ZMYM2: variants seen among roughly 807,000 people sequenced by gnomAD.
ZMYM2 encodes the protein zinc finger MYM-type containing 2, also known as zinc finger MYM-type protein 2.
Under a neutral mutation model 162.8 loss-of-function variants are expected in ZMYM2, and 56 were observed. That is an observed-to-expected ratio of 0.34 (90% CI 0.28 to 0.43). ZMYM2 has a LOEUF of 0.43. ZMYM2 is among the 20% of genes least tolerant of loss of function. ZMYM2 has a pLI of 1.00. For missense variants in ZMYM2, 1,275 were observed against 1,621.8 expected, an observed-to-expected ratio of 0.79 and a Z score of 3.67; for synonymous variants, 510 against 541.6, an observed-to-expected ratio of 0.94 and a Z score of 0.81.
At chr13:20,058,860 A>G (rs1956013322) in intron 15 of ZMYM2, 156 bp downstream of exon 15, 1 of 909,370 alleles carries the variant, frequency 1.1e-6, no homozygotes, top group Non-Finnish European at 1.8e-6. Flanking sequence ...TATTACCTGG[A>G]GAATACAGCA....
chr13:19,910,111 C>A, the ZMYM2 span, among the ~76,000 whole-genome samples: 1 of 151,518 alleles, frequency 6.6e-6, no homozygotes, highest in African/African-American at 2.4e-5. Flanking sequence ...CCTGTAGTCC[C>A]AGCTACTCGG....
intron 21 of ZMYM2, 137 bp downstream of exon 21, chr13:20,067,527 A>T (rs1177899351): frequency 1.1e-6 from 1 of 899,172 alleles, no homozygotes; most frequent in African/African-American, 1.7e-5. Flanking sequence ...GCTGCCATTT[A>T]TATATAAATG....
chr13:20,047,592 C>T (rs1016923534), intron 12 of ZMYM2, among the ~76,000 whole-genome samples: 2 of 152,152 alleles, frequency 1.3e-5, no homozygotes, highest in Admixed American at 6.5e-5. Flanking sequence ...TTTTTACCTT[C>T]TCTTACCTTT....
At chr13:19,928,796 C>CAA in the ZMYM2 span, among the ~76,000 whole-genome samples, 2 of 112,126 alleles carry the variant, frequency 1.8e-5, no homozygotes, top group Non-Finnish European at 4.0e-5. Flanking sequence ...GACTCTGTCT[C>CAA]AAAAAAAAAA....
At chr13:19,922,232 G>C in the ZMYM2 span, among the ~76,000 whole-genome samples, 2 of 152,142 alleles carry the variant, frequency 1.3e-5, no homozygotes, top group Non-Finnish European at 2.9e-5. Flanking sequence ...GATTTTTAAA[G>C]GGGGAAAAAG....
chr13:20,066,423 C>T (rs527585789), intron 19 of ZMYM2, among the ~76,000 whole-genome samples: 3 of 152,272 alleles, frequency 2.0e-5, no homozygotes, highest in Admixed American at 6.5e-5. Flanking sequence ...CTACTAGTAG[C>T]CTACTGTTGA....
chr13:19,948,599 T>C, the ZMYM2 span, among the ~76,000 whole-genome samples: 1 of 152,170 alleles, frequency 6.6e-6, no homozygotes, highest in Non-Finnish European at 1.5e-5. Flanking sequence ...CTACGGGTTA[T>C]AGGGCAGGGA....
the ZMYM2 span, among the ~76,000 whole-genome samples, chr13:19,937,624 A>AT: frequency 0.32 from 47,612 of 146,926 alleles, 7,886 homozygotes; most frequent in East Asian, 0.39. Flanking sequence ...TTTTTAAATT[A>AT]TTTTTTTTAT....
chr13:19,879,702 A>G, the ZMYM2 span, among the ~76,000 whole-genome samples: 1 of 152,164 alleles, frequency 6.6e-6, no homozygotes, highest in East Asian at 1.9e-4. Flanking sequence ...ATTTTGAGAG[A>G]CATTGCATAA....
At chr13:19,884,771 C>A in the ZMYM2 span, among the ~76,000 whole-genome samples, 42 of 152,136 alleles carry the variant, frequency 2.8e-4, no homozygotes, top group African/African-American at 1.0e-3. Flanking sequence ...AACATAGTGC[C>A]GACGCCCCCA....
the ZMYM2 span, among the ~76,000 whole-genome samples, chr13:19,904,311 C>T: frequency 6.6e-6 from 1 of 151,372 alleles, no homozygotes; most frequent in East Asian, 2.0e-4. Flanking sequence ...AATCCCAGCA[C>T]TTTGGGAGGC....
the ZMYM2 span, among the ~76,000 whole-genome samples, chr13:19,931,165 T>A: frequency 1.6e-4 from 24 of 149,804 alleles, no homozygotes; most frequent in African/African-American, 5.4e-4. Context: ...ATAATAATAA[T>A]AATAATTTAA....
chr13:19,903,329 T>A, the ZMYM2 span, among the ~76,000 whole-genome samples: 1 of 150,982 alleles, frequency 6.6e-6, no homozygotes, highest in Non-Finnish European at 1.5e-5. Flanking sequence ...ACCTTGTCTC[T>A]AAATAAATAA....
chr13:19,866,889 T>TCTGG, the ZMYM2 span, among the ~76,000 whole-genome samples: 1 of 151,986 alleles, frequency 6.6e-6, no homozygotes, highest in Non-Finnish European at 1.5e-5. Context: ...AGTGAGACCC[T>TCTGG]GTCTCAAAAA....
chr13:19,891,626 A>AAAT, the ZMYM2 span, among the ~76,000 whole-genome samples: 1 of 150,662 alleles, frequency 6.6e-6, no homozygotes, highest in East Asian at 1.9e-4. Context: ...AAAAAAAAAA[A>AAAT]AATTAGCTAG....
chr13:20,031,497 G>A (rs569454482), intron 10 of ZMYM2, 62 bp downstream of exon 10: 110 of 1,059,144 alleles, frequency 1.0e-4, no homozygotes, highest in Non-Finnish European at 1.3e-4. Context: ...TAAAATAAGT[G>A]TTGTATTTCC....
In ZMYM2 at chr13:20,082,105, C is replaced by T. The variant is rs781267653; in HGVS notation, c.3543C>T (p.Ser1181=). The change falls in exon 22 of 25, where the codon AGC becomes AGT. Residue 1181 remains serine, a synonymous_variant. Coordinates refer to ENST00000610343, the MANE Select transcript of ZMYM2 (RefSeq NM_197968.4). ...AAGAATTGAATAAAATACTGCGAAG[C>T]TGGCAACCAAGCATACTTCCAGATG... ...FEQELNKILR[S]WQPSILPDGS... is the part of the protein sequence containing the mutation. 9 of 1,604,328 alleles carry T rather than the reference C, an allele frequency of 5.6e-6. No homozygotes were observed. In the Admixed American group the frequency reaches 1.4e-4, roughly 25 times the overall value.
chr13:19,960,932 G>A (rs930259182), intron 2 of ZMYM2, among the ~76,000 whole-genome samples: 1 of 152,178 alleles, frequency 6.6e-6, no homozygotes. Flanking sequence ...TCAAAAAATA[G>A]TGAATTGATA....
intron 10 of ZMYM2, among the ~76,000 whole-genome samples, chr13:20,033,546 C>T (rs1802366702): frequency 6.6e-6 from 1 of 152,184 alleles, no homozygotes; most frequent in Non-Finnish European, 1.5e-5. Context: ...TTATTCTGGT[C>T]TTCACATGTC....
Sources: gnomAD v4.1 joint callset for allele counts (sites outside exome capture counted in the v4.1 genomes callset) on GRCh38, gnomAD v4.1.1 for gene constraint, MANE v1.5 for transcripts, NCBI Gene and HGNC (gene_info 2026-07-23, HGNC 2026-07-21) for gene names.